The following PDE1A variants were observed in gnomAD, a reference collection of about 807,000 sequenced individuals.
PDE1A encodes the protein phosphodiesterase 1A, also known as dual specificity calcium/calmodulin-dependent 3',5'-cyclic nucleotide phosphodiesterase 1A.
A neutral mutation model predicts 61.7 loss-of-function variants in PDE1A; 35 were observed. That is an observed-to-expected ratio of 0.57 (90% confidence interval 0.43 to 0.75). The LOEUF (loss-of-function observed/expected upper bound fraction) is 0.75. Among genes scored for constraint, PDE1A ranks in the 30% least tolerant of loss-of-function variants. The pLI is 0.00. For missense variants in PDE1A, 597 were observed against 630.6 expected, an observed-to-expected ratio of 0.95 and a Z score of 0.57; for synonymous variants, 232 against 213.2, an observed-to-expected ratio of 1.09 and a Z score of -0.77.
chr2:182,351,618 T>G (rs1418688655), intron 1 of PDE1A, among the ~76,000 whole-genome samples: 1 of 152,214 alleles, frequency 6.6e-6, no homozygotes. Flanking sequence ...TCCATGCATG[T>G]CACAAACCAA....
intron 2 of PDE1A, among the ~76,000 whole-genome samples, chr2:182,245,807 A>C (rs1690902533): frequency 6.6e-6 from 1 of 152,208 alleles, no homozygotes; most frequent in South Asian, 2.1e-4. Flanking sequence ...GCTCCTATAA[A>C]CAGGTACAGC....
chr2:182,345,453 CA>C (rs2125066634), intron 1 of PDE1A, among the ~76,000 whole-genome samples: 1 of 152,340 alleles, frequency 6.6e-6, no homozygotes, highest in African/African-American at 2.4e-5. Context: ...TTCTGAACAG[CA>C]GTCAGATTCT....
intron 4 of PDE1A, among the ~76,000 whole-genome samples, chr2:182,233,142 A>G (rs1260847817): frequency 1.3e-5 from 2 of 152,244 alleles, no homozygotes; most frequent in African/African-American, 4.8e-5. Context: ...AATAAAATAA[A>G]AATGAGTAAT....
the PDE1A span, among the ~76,000 whole-genome samples, chr2:182,559,228 A>AAAGAAGTAAAG: frequency 6.6e-6 from 1 of 152,212 alleles, no homozygotes; most frequent in South Asian, 2.1e-4. Context: ...TTAACTTTGA[A>AAAGAAGTAAAG]AAGAAGTAAA....
At position 182,201,674 on chromosome 2, in the gene PDE1A, A is replaced by C. The variant is rs755996727; in HGVS notation, c.1004+14T>G. On this transcript the variant is annotated intron_variant, in intron 9 of 13. Transcript: ENST00000351439. ...ACAAAAAAAAAAAAACAACAAAAAA[A>C]ACACAAAACCTACCCTTCAGGCTGC... is the stretch of plus-strand genomic sequence containing the variant. 1 of 1,566,986 alleles carries C rather than the reference A, an allele frequency of 6.4e-7. No individual in the cohort carries two copies. Among genetic ancestry groups the C allele is most frequent in the South Asian group, 1.2e-5 (1 of 83,952 alleles).
At chr2:182,280,966 A>G (rs928007406) in intron 1 of PDE1A, among the ~76,000 whole-genome samples, 1 of 151,952 alleles carries the variant, frequency 6.6e-6, no homozygotes, top group Non-Finnish European at 1.5e-5. Context: ...GCTGGTGCAA[A>G]TGGACATTAC....
At chr2:182,430,830 C>G (rs1489589361), upstream of PDE1A, among the ~76,000 whole-genome samples, 1 of 125,742 alleles carries the variant, frequency 8.0e-6, no homozygotes, top group Non-Finnish European at 1.7e-5. Flanking sequence ...AATTGGAAAC[C>G]ATCATTCTCA....
At chr2:182,526,425 C>G (rs151286798), upstream of PDE1A, among the ~76,000 whole-genome samples, 1,820 of 152,144 alleles carry the variant, frequency 0.012, 17 homozygotes, top group South Asian at 0.017. Flanking sequence ...TGGGTCTGTA[C>G]AGTATGAAGA....
chr2:182,543,208 T>G, the PDE1A span, among the ~76,000 whole-genome samples: 1 of 152,354 alleles, frequency 6.6e-6, no homozygotes, highest in South Asian at 2.1e-4. Flanking sequence ...TAAATAAGAT[T>G]GTGGAAAATA....
At chr2:182,257,278 T>C (rs577243279) in intron 2 of PDE1A, among the ~76,000 whole-genome samples, 51 of 152,318 alleles carry the variant, frequency 3.3e-4, no homozygotes, top group African/African-American at 1.2e-3. Context: ...GATAACATGG[T>C]AGCCCATTTT....
chr2:182,168,899 T>A (rs1271748523), intron 13 of PDE1A, among the ~76,000 whole-genome samples: 2 of 152,008 alleles, frequency 1.3e-5, no homozygotes, highest in Admixed American at 6.6e-5. Context: ...GTCACATAGG[T>A]TATAACACGA....
the PDE1A span, among the ~76,000 whole-genome samples, chr2:182,591,928 T>C: frequency 3.9e-5 from 6 of 152,244 alleles, no homozygotes; most frequent in South Asian, 2.1e-4. Context: ...CACCTACCAG[T>C]GCTCATCAGA....
chr2:182,658,320 G>A, the PDE1A span, among the ~76,000 whole-genome samples: 1 of 152,160 alleles, frequency 6.6e-6, no homozygotes, highest in African/African-American at 2.4e-5. Context: ...CCTTGCAATT[G>A]TAACACTCCA....
the PDE1A span, among the ~76,000 whole-genome samples, chr2:182,560,350 G>C: frequency 6.6e-6 from 1 of 151,460 alleles, no homozygotes; most frequent in Non-Finnish European, 1.5e-5. Context: ...TACTGAGAAT[G>C]ATGATTTCCA....
At chr2:182,424,098 CCA>C (rs1222817817) in intron 1 of PDE1A, among the ~76,000 whole-genome samples, 1 of 151,924 alleles carries the variant, frequency 6.6e-6, no homozygotes, top group Non-Finnish European at 1.5e-5. Flanking sequence ...GTGCACACCA[CCA>C]CACCTGGCTA....
chr2:182,671,847 CT>C, the PDE1A span, among the ~76,000 whole-genome samples: 1 of 151,770 alleles, frequency 6.6e-6, no homozygotes. Context: ...TCTCGACCTC[CT>C]GACCTCATGA....
rs1686395170 is a variant in PDE1A, at chr2:182,462,800, G to C, written c.101+59476C>G. Among the ~76,000 whole-genome samples the C allele has an allele frequency of 2.6e-5, 4 of 152,084 alleles. No homozygotes were observed. In the South Asian group the frequency reaches 8.3e-4, roughly 32 times the overall value. On this transcript the variant is annotated intron_variant, in intron 2 of 14. Transcript: ENST00000410103. Reference sequence around the variant, plus strand: ...TTCAGAATAAAAATATCAAAACCTTGAAACTTTTTTTTATTTTTTGAAATT... The same window carrying C: ...TTCAGAATAAAAATATCAAAACCTTCAAACTTTTTTTTATTTTTTGAAATT...
At chr2:182,448,615 C>T (rs1685296170) in intron 2 of PDE1A, among the ~76,000 whole-genome samples, 1 of 151,984 alleles carries the variant, frequency 6.6e-6, no homozygotes. Flanking sequence ...ACATTATATC[C>T]AAAAAAACTA....
At chr2:182,186,220 C>A in intron 12 of PDE1A, 141 bp from the exon 13 acceptor site, 1 of 873,838 alleles carries the variant, frequency 1.1e-6, no homozygotes, top group Non-Finnish European at 1.7e-6. Flanking sequence ...GGCAGCTGCT[C>A]ATCTCCTTTC....
Sources: allele counts gnomAD v4.1 joint callset (sites outside exome capture counted in the v4.1 genomes callset), GRCh38; gene constraint gnomAD v4.1.1; transcripts MANE v1.5; gene names NCBI Gene and HGNC (gene_info 2026-07-23, HGNC 2026-07-21).